The following CACNA1C variants were observed in gnomAD, a reference collection of about 807,000 sequenced individuals.
CACNA1C encodes calcium voltage-gated channel subunit alpha1 C, also known as voltage-dependent L-type calcium channel subunit alpha-1C.
A neutral mutation model predicts 229.0 loss-of-function variants in CACNA1C; 30 were observed. That is an observed-to-expected ratio of 0.13 (90% confidence interval 0.10 to 0.18). The LOEUF (loss-of-function observed/expected upper bound fraction) is 0.18, where lower values mean the gene tolerates loss of function less well. Among genes scored for constraint, CACNA1C ranks in the 10% least tolerant of loss-of-function variants. CACNA1C has a pLI of 1.00. For synonymous variants in CACNA1C, 1,114 were observed against 1,132.5 expected, an observed-to-expected ratio of 0.98 and a Z score of 0.33; for missense variants, 1,658 against 2,845.0, an observed-to-expected ratio of 0.58 and a Z score of 9.49.
intron 3 of CACNA1C, among the ~76,000 whole-genome samples, chr12:2,424,981 ACTGT>A (rs1324792992): frequency 2.0e-5 from 3 of 152,318 alleles, no homozygotes; most frequent in African/African-American, 7.2e-5. Flanking sequence ...CACCTGGGCG[ACTGT>A]CTGCACTGTG....
At chr12:2,514,721 C>T (rs905158183) in intron 9 of CACNA1C, among the ~76,000 whole-genome samples, 6 of 152,100 alleles carry the variant, frequency 3.9e-5, no homozygotes, top group African/African-American at 1.4e-4. Context: ...TGAAAACCTG[C>T]AGTAGCCACT....
At chr12:2,138,213 A>G (rs1040353126) in intron 3 of CACNA1C, among the ~76,000 whole-genome samples, 4 of 151,396 alleles carry the variant, frequency 2.6e-5, no homozygotes, top group African/African-American at 9.7e-5. Context: ...GGCATCAAGA[A>G]TAAGGAAGGC....
intron 4 of CACNA1C, among the ~76,000 whole-genome samples, 154 bp from the exon 5 acceptor site, chr12:2,457,413 C>A (rs2099439877): frequency 6.6e-6 from 1 of 152,244 alleles, no homozygotes; most frequent in African/African-American, 2.4e-5. Context: ...CAGCTTACAA[C>A]CACCCACAGA....
chr12:2,335,946 T>G (rs1443254525), intron 3 of CACNA1C, among the ~76,000 whole-genome samples: 1 of 150,628 alleles, frequency 6.6e-6, no homozygotes, highest in Non-Finnish European at 1.5e-5. Context: ...ACAAACAGTT[T>G]GCAAGTAATG....
At chr12:2,088,042 T>C (rs1427358418) in intron 1 of CACNA1C, among the ~76,000 whole-genome samples, 1 of 152,242 alleles carries the variant, frequency 6.6e-6, no homozygotes, top group Non-Finnish European at 1.5e-5. Flanking sequence ...GGTCTGCTTA[T>C]CTATTAAGTG....
rs79293558 is a variant in CACNA1C at position 2,653,150 on chromosome 12, G to T, written c.4075-685G>T. 1.3e-5 allele frequency among the ~76,000 whole-genome samples: 2 copies of T among 152,232 alleles called. No homozygotes were observed. Among genetic ancestry groups the T allele is most frequent in the Non-Finnish European group, 2.9e-5 (2 of 68,038 alleles). On this transcript the variant is annotated intron_variant, in intron 32 of 46. Coordinates refer to ENST00000399655, the MANE Select transcript of CACNA1C (RefSeq NM_000719.7). This position sits in a 1 kb window ranked among gnomAD's most constrained non-coding sequence, Gnocchi z 4.7. ...TTGCCAGGCAGATAATGCATGGAGC[G>T]AATAGAGCGTATGGAACCCAGCTCT...
chr12:2,450,009 A>G (rs1450734271), intron 4 of CACNA1C, among the ~76,000 whole-genome samples: 1 of 152,186 alleles, frequency 6.6e-6, no homozygotes, highest in Non-Finnish European at 1.5e-5. Context: ...AGAAGGAAAC[A>G]GGGAACTATG....
In CACNA1C at chr12:2,684,693, G is replaced by A. The variant is rs145448260; in HGVS notation, c.5574-1043G>A. On this transcript the variant is annotated intron_variant, in intron 43 of 46. Transcript: ENST00000399655. ...GAGAAAGTTGAGGGCAGGGTGACCT[G>A]AACTGGTACCACGCACAAGGTGAAA... Among the ~76,000 whole-genome samples the A allele has an allele frequency of 5.8e-4, 88 of 152,290 alleles. 3 individuals are homozygous for A. The Middle Eastern group carries it at 0.01, about 18-fold the overall frequency.
chr12:2,514,964 A>G (rs1171587363), intron 9 of CACNA1C, among the ~76,000 whole-genome samples: 1 of 152,238 alleles, frequency 6.6e-6, no homozygotes, highest in Admixed American at 6.5e-5. Context: ...GAGCATAATG[A>G]GCTGCCTAAC....
intron 3 of CACNA1C, among the ~76,000 whole-genome samples, chr12:2,238,548 T>G (rs1157766808): frequency 6.6e-6 from 1 of 152,332 alleles, no homozygotes; most frequent in Middle Eastern, 3.4e-3. Flanking sequence ...AGTCTGACTT[T>G]CTTGTGAATG....
intron 3 of CACNA1C, among the ~76,000 whole-genome samples, chr12:2,227,072 T>G (rs2063219603): frequency 6.6e-6 from 1 of 152,126 alleles, no homozygotes; most frequent in Non-Finnish European, 1.5e-5. Flanking sequence ...AACTGCTGGG[T>G]GATGGGGGGA....
intron 1 of CACNA1C, among the ~76,000 whole-genome samples, chr12:2,002,820 T>C (rs2154479595): frequency 6.6e-6 from 1 of 152,284 alleles, no homozygotes; most frequent in Non-Finnish European, 1.5e-5. Flanking sequence ...AATATCTTTT[T>C]ATATATTTTT....
At chr12:2,201,048 C>T (rs761888885) in intron 3 of CACNA1C, among the ~76,000 whole-genome samples, 6 of 152,130 alleles carry the variant, frequency 3.9e-5, no homozygotes, top group Non-Finnish European at 5.9e-5. Flanking sequence ...TCCTAAAAAA[C>T]GTATTTTTCT....
chr12:2,454,722 C>T (rs187091162), intron 4 of CACNA1C, among the ~76,000 whole-genome samples: 55 of 152,296 alleles, frequency 3.6e-4, no homozygotes, highest in Admixed American at 1.9e-3. Context: ...GGCCCTCCTG[C>T]TTTGTCCGCA....
chr12:2,686,028 G>A (rs1339224588), intron 44 of CACNA1C, 138 bp from the exon 45 acceptor site: 36 of 849,816 alleles, frequency 4.2e-5, no homozygotes, highest in East Asian at 1.0e-4. Flanking sequence ...ACCAGAATAC[G>A]TCTCAGACGA....
chr12:2,640,669 C>T (rs745857760), intron 30 of CACNA1C, among the ~76,000 whole-genome samples: 1 of 152,174 alleles, frequency 6.6e-6, no homozygotes, highest in Non-Finnish European at 1.5e-5. Flanking sequence ...ATCAGCATGT[C>T]GGGATACTGG....
At chr12:2,306,310 C>T (rs890392955) in intron 3 of CACNA1C, among the ~76,000 whole-genome samples, 2 of 152,220 alleles carry the variant, frequency 1.3e-5, no homozygotes, top group African/African-American at 4.8e-5. Context: ...GTGCGCTCTG[C>T]CGTCTGACAC....
intron 26 of CACNA1C, 127 bp downstream of exon 26, chr12:2,607,257 C>G: frequency 1.1e-6 from 1 of 918,784 alleles, no homozygotes; most frequent in Non-Finnish European, 1.6e-6. Flanking sequence ...TGGGTCCTCC[C>G]CAGGCAGTGA....
At position 2,275,057 on chromosome 12, in the gene CACNA1C, A is replaced by G. The variant is rs74411248; in HGVS notation, c.477+154627A>G. Among the ~76,000 whole-genome samples the G allele has an allele frequency of 0.057, 8,703 of 152,322 alleles. 318 individuals carry two copies. Among genetic ancestry groups the G allele is most frequent in the African/African-American group, 0.093 (3,849 of 41,562 alleles). On this transcript the variant is annotated intron_variant, in intron 3 of 46. Transcript: ENST00000399655. The surrounding 1 kb of genome is among the most constrained non-coding windows in gnomAD (Gnocchi z 4.1). ...CCTGCACCAGTGGTGGGAGAGATGCAGGTGAAACAAGGCGGAAAGGACCGT... is the reference window on the plus strand; with the variant it reads ...CCTGCACCAGTGGTGGGAGAGATGCGGGTGAAACAAGGCGGAAAGGACCGT...
Sources: allele counts gnomAD v4.1 joint callset (sites outside exome capture counted in the v4.1 genomes callset), GRCh38; gene constraint gnomAD v4.1.1; non-coding constraint Gnocchi (gnomAD v3.1); transcripts MANE v1.5; gene names NCBI Gene and HGNC (gene_info 2026-07-23, HGNC 2026-07-21).